ANO2: variants seen among roughly 807,000 people sequenced by gnomAD.
ANO2 encodes anoctamin-2.
A neutral mutation model predicts 124.2 loss-of-function variants in ANO2; 101 were observed. That is an observed-to-expected ratio of 0.81 (90% confidence interval 0.69 to 0.96). The LOEUF (loss-of-function observed/expected upper bound fraction) is 0.96. Ranked by LOEUF, ANO2 falls within the 40% of genes least tolerant of loss-of-function variation. The probability of loss-of-function intolerance (pLI) is 0.00; values close to 1 mark genes in which losing one functional copy is unlikely to be tolerated. For synonymous variants in ANO2, 486 were observed against 482.5 expected, an observed-to-expected ratio of 1.01 and a Z score of -0.09; for missense variants, 1,293 against 1,274.5, an observed-to-expected ratio of 1.01 and a Z score of -0.22.
intron 3 of ANO2, among the ~76,000 whole-genome samples, chr12:5,916,970 A>G (rs1318121135): frequency 1.3e-5 from 2 of 152,220 alleles, no homozygotes; most frequent in Non-Finnish European, 2.9e-5. Context: ...ACAGTAGGCC[A>G]CAATGAGAGG....
intron 9 of ANO2, among the ~76,000 whole-genome samples, chr12:5,802,583 CAGA>C (rs1953075019): frequency 1.3e-5 from 2 of 152,090 alleles, no homozygotes; most frequent in East Asian, 3.9e-4. Flanking sequence ...TGCAGGGTCC[CAGA>C]AGGGACCAGC....
At chr12:5,649,234 A>T (rs950277697) in intron 14 of ANO2, among the ~76,000 whole-genome samples, 1 of 152,184 alleles carries the variant, frequency 6.6e-6, no homozygotes, top group Admixed American at 6.5e-5. Flanking sequence ...GAACTGAGCG[A>T]TGGGTCGAGT....
chr12:5,576,391 G>GTT (rs144188060), intron 22 of ANO2, among the ~76,000 whole-genome samples: 163 of 152,310 alleles, frequency 1.1e-3, no homozygotes, highest in African/African-American at 3.8e-3. Flanking sequence ...AGGGTACTAC[G>GTT]TAAGTGTAAT....
intron 3 of ANO2, among the ~76,000 whole-genome samples, chr12:5,912,479 G>A (rs1036399601): frequency 4.6e-5 from 7 of 152,142 alleles, no homozygotes; most frequent in African/African-American, 1.7e-4. Context: ...GAATGCTGAA[G>A]GTTAATGTTT....
chr12:5,585,214 G>T (rs1379142232), intron 20 of ANO2, among the ~76,000 whole-genome samples: 4 of 151,928 alleles, frequency 2.6e-5, no homozygotes. Context: ...AGTTAAGGTC[G>T]TTCCTGCAAA....
At chr12:5,853,871 G>A (rs1413729502) in intron 4 of ANO2, among the ~76,000 whole-genome samples, 172 bp downstream of exon 4, 1 of 29,362 alleles carries the variant, frequency 3.4e-5, no homozygotes, top group Non-Finnish European at 6.4e-5. Flanking sequence ...ACTCTTCCCC[G>A]TCCCCGTCCC....
chr12:5,885,111 C>T (rs2137303911), intron 3 of ANO2, among the ~76,000 whole-genome samples: 1 of 152,344 alleles, frequency 6.6e-6, no homozygotes, highest in East Asian at 1.9e-4. Flanking sequence ...GTTGACCTCT[C>T]CAATTGGCCC....
At chr12:5,885,845 G>T (rs1938856336) in intron 3 of ANO2, among the ~76,000 whole-genome samples, 2 of 152,172 alleles carry the variant, frequency 1.3e-5, no homozygotes. Flanking sequence ...ACCTACTCAA[G>T]AAAGGGGTCC....
chr12:5,837,289 ATTTCTTTTTTTTTTTTTTTT>A (rs1370718541), intron 4 of ANO2, among the ~76,000 whole-genome samples: 1 of 28,070 alleles, frequency 3.6e-5, no homozygotes, highest in Non-Finnish European at 7.0e-5. Flanking sequence ...GTTGATGCAG[ATTTCTTTTTTTTTTTTTTTT>A]TTTATGATTC....
chr12:5,858,754 C>T (rs1002301660), intron 3 of ANO2: 1 of 152,172 alleles, frequency 6.6e-6, no homozygotes. Context: ...TTAGCTCTAC[C>T]CAGGTAAAAT....
At chr12:5,847,645 C>A (rs1399909069) in intron 4 of ANO2, among the ~76,000 whole-genome samples, 55 of 152,104 alleles carry the variant, frequency 3.6e-4, no homozygotes, top group Non-Finnish European at 7.3e-5. Context: ...CCAGGGCTAC[C>A]AAATCAGAGT....
chr12:5,770,367 T>C (rs1952040534), intron 10 of ANO2, among the ~76,000 whole-genome samples: 1 of 152,046 alleles, frequency 6.6e-6, no homozygotes, highest in Non-Finnish European at 1.5e-5. Context: ...CTAACAAGGG[T>C]CCCAAGGTTA....
chr12:5,649,308 CA>C (rs1946797442), intron 14 of ANO2, among the ~76,000 whole-genome samples: 1 of 152,186 alleles, frequency 6.6e-6, no homozygotes, highest in Non-Finnish European at 1.5e-5. Context: ...TTAGCACTTG[CA>C]TTTACAGATT....
At chr12:5,921,438 A>G in intron 2 of ANO2, 72 bp from the exon 3 acceptor site, 1 of 1,458,310 alleles carries the variant, frequency 6.9e-7, no homozygotes, top group Non-Finnish European at 9.4e-7. Context: ...AGGCTGATCT[A>G]TGCTCTGGGC....
chr12:5,753,520 T>C (rs575505069), intron 10 of ANO2, among the ~76,000 whole-genome samples: 9 of 152,336 alleles, frequency 5.9e-5, no homozygotes, highest in Non-Finnish European at 1.3e-4. Context: ...TCCCAAGTTT[T>C]TATTTTCCTT....
chr12:5,680,525 G>A (rs1054736320), intron 14 of ANO2, among the ~76,000 whole-genome samples: 37 of 152,294 alleles, frequency 2.4e-4, no homozygotes, highest in South Asian at 1.0e-3. Context: ...AAGAACGGCC[G>A]TGTGGAGCTG....
chr12:5,792,106 C>A (rs867514839), intron 10 of ANO2, among the ~76,000 whole-genome samples: 1 of 152,192 alleles, frequency 6.6e-6, no homozygotes, highest in African/African-American at 2.4e-5. Context: ...GTGCTATCAC[C>A]CCTATTTCAT....
intron 9 of ANO2, 73 bp downstream of exon 9, chr12:5,805,979 C>T (rs1489902909): frequency 2.7e-6 from 4 of 1,479,696 alleles, no homozygotes; most frequent in Middle Eastern, 1.7e-4. Flanking sequence ...ATCTAAGACA[C>T]TTCTAGCCAC....
chr12:5,839,736 C>T (rs141991144), intron 4 of ANO2: 311 of 419,896 alleles, frequency 7.4e-4, no homozygotes, highest in Non-Finnish European at 1.2e-3. Flanking sequence ...ATTTCATCCA[C>T]GGTCCATACA....
Sources: gnomAD v4.1 joint callset for allele counts (sites outside exome capture counted in the v4.1 genomes callset) on GRCh38, gnomAD v4.1.1 for gene constraint, MANE v1.5 for transcripts, NCBI Gene and HGNC (gene_info 2026-07-23, HGNC 2026-07-21) for gene names.